Variants in GON4L observed in about 807,000 individuals in gnomAD.
The protein encoded by GON4L is gon-4 like.
In GON4L, 87 loss-of-function variants were observed where a neutral mutation model predicts 211.8. That is an observed-to-expected ratio of 0.41 (90% confidence interval 0.35 to 0.49). The LOEUF (loss-of-function observed/expected upper bound fraction) is 0.49. GON4L is among the 20% of genes least tolerant of loss of function. GON4L has a pLI of 0.15. For missense variants in GON4L, 2,155 were observed against 2,659.5 expected, an observed-to-expected ratio of 0.81 and a Z score of 4.17; for synonymous variants, 875 against 962.6, an observed-to-expected ratio of 0.91 and a Z score of 1.68.
At chr1:155,819,062 G>A (rs555014445) in intron 6 of GON4L, among the ~76,000 whole-genome samples, 28 of 152,160 alleles carry the variant, frequency 1.8e-4, no homozygotes, top group African/African-American at 6.5e-4. Context: ...GGCCAAGGCG[G>A]GCAGATGATT....
At chr1:155,814,168 C>T (rs1305233873) in intron 9 of GON4L, among the ~76,000 whole-genome samples, 162 bp downstream of exon 9, 1 of 152,190 alleles carries the variant, frequency 6.6e-6, no homozygotes, top group East Asian at 1.9e-4. Context: ...AGTTCTTTGG[C>T]TATCACTGAG....
At chr1:155,820,761 G>T in intron 5 of GON4L, 105 bp from the exon 6 acceptor site, 1 of 823,238 alleles carries the variant, frequency 1.2e-6, no homozygotes, top group Non-Finnish European at 2.1e-6. Context: ...TGGGAGGATG[G>T]CTTGAGGCAA....
At chr1:155,754,784 G>A (rs765137309) in intron 27 of GON4L, among the ~76,000 whole-genome samples, 11 of 151,086 alleles carry the variant, frequency 7.3e-5, no homozygotes, top group Non-Finnish European at 1.0e-4. Flanking sequence ...CTCCCTCAGC[G>A]TCCCAAAGTG....
intron 2 of GON4L, among the ~76,000 whole-genome samples, chr1:155,838,976 T>C (rs1210059200): frequency 6.6e-6 from 1 of 151,878 alleles, no homozygotes; most frequent in Non-Finnish European, 1.5e-5. Context: ...TTAAAAACTG[T>C]GGAATGGTTC....
intron 23 of GON4L, among the ~76,000 whole-genome samples, chr1:155,761,175 GTTT>G (rs921323729): frequency 8.2e-5 from 9 of 109,534 alleles, no homozygotes; most frequent in African/African-American, 2.7e-4. Flanking sequence ...CTTATGTGTG[GTTT>G]TTTTTTTTTT....
Position 155,832,206 on chromosome 1 carries a change from T to C in GON4L, c.506-5178A>G, listed in dbSNP as rs1273708606. ...AAGAGAATCACCTGAGCCCGGGAGG[T>C]GGAGGTTGCAGTGAGCTAAGATCAC... On this transcript the variant is annotated intron_variant, in intron 2 of 31. Coordinates refer to ENST00000368331, the MANE Select transcript of GON4L (RefSeq NM_001282860.2). Among the ~76,000 whole-genome samples, 40 of 100,056 alleles carry C rather than the reference T, an allele frequency of 4.0e-4. No homozygotes were observed. The Admixed American group carries it at 6.4e-3, about 16-fold the overall frequency. The allele number at this position is 100,056 out of a possible 152,430, so 65.6% of individuals were successfully genotyped here. A position where few individuals can be genotyped will look rare whatever the true frequency, so the allele number is the denominator to read the frequency against.
intron 12 of GON4L, among the ~76,000 whole-genome samples, chr1:155,794,847 C>T (rs935187107): frequency 1.3e-5 from 2 of 152,112 alleles, no homozygotes; most frequent in Admixed American, 6.6e-5. Context: ...ACTGAATACA[C>T]GACTGTGGGA....
intron 11 of GON4L, among the ~76,000 whole-genome samples, chr1:155,801,612 G>A: frequency 6.6e-6 from 1 of 152,032 alleles, no homozygotes; most frequent in Non-Finnish European, 1.5e-5. Flanking sequence ...GCCAGGTGCG[G>A]TGGCTCATGC....
At chr1:155,843,535 G>GTAC (rs1178239591) in intron 2 of GON4L, among the ~76,000 whole-genome samples, 2 of 152,132 alleles carry the variant, frequency 1.3e-5, no homozygotes, top group Non-Finnish European at 2.9e-5. Context: ...CAGCTCCAGT[G>GTAC]TACTAATGAT....
At chr1:155,846,094 G>C (rs1355344346) in intron 2 of GON4L, 1 of 228,138 alleles carries the variant, frequency 4.4e-6, no homozygotes, top group Non-Finnish European at 9.9e-6. Context: ...GCCTATAGGA[G>C]TTTGTCAAGG....
Position 155,766,645 on chromosome 1 carries a change from T to C in GON4L, c.2828A>G (p.Asn943Ser). Residue 943 changes from asparagine to serine, a missense_variant, in exon 21 of 32, where the codon AAT becomes AGT. By Grantham distance (46) the Asn-to-Ser change is conservative. Around this residue, in one of 6 missense-constraint regions of GON4L, gnomAD observed 551 missense variants for 854.0 expected, o/e 0.65. Coordinates refer to ENST00000368331, the MANE Select transcript of GON4L (RefSeq NM_001282860.2). Reference sequence around the variant, plus strand: ...GTTGATCTCAGTGGTTCCAGTCATATTTCCTACCTCTCTAGCACCATCAGC... The same window carrying C: ...GTTGATCTCAGTGGTTCCAGTCATACTTCCTACCTCTCTAGCACCATCAGC... ...HMADGAREVG[N>S]MTGTTEINSD... is the part of the protein sequence containing the mutation. The C allele has an allele frequency of 1.2e-6, 2 of 1,614,230 alleles. No individual in the cohort carries two copies. Among genetic ancestry groups the C allele is most frequent in the Non-Finnish European group, 8.5e-7 (1 of 1,180,048 alleles).
rs1660787834 is a variant in GON4L, at chr1:155,753,107, C to T, written c.5842+97G>A. On this transcript the variant is annotated intron_variant, in intron 29 of 31. Coordinates refer to ENST00000368331, the MANE Select transcript of GON4L (RefSeq NM_001282860.2). Reference sequence around the variant, plus strand: ...AGTGAAAGAGGTGGTATATCCATCCCTGAAAAGGCTATTTATCCAGGCTCA... The same window carrying T: ...AGTGAAAGAGGTGGTATATCCATCCTTGAAAAGGCTATTTATCCAGGCTCA... The T allele has an allele frequency of 2.6e-5, 24 of 914,000 alleles. No homozygotes were observed. In the South Asian group the frequency reaches 3.7e-4, roughly 14 times the overall value. The allele number at this position is 914,000 out of a possible 1,614,324, so 56.6% of individuals were successfully genotyped here. A position where few individuals can be genotyped will look rare whatever the true frequency, so the allele number is the denominator to read the frequency against.
chr1:155,761,653 A>C (rs1010426763), intron 23 of GON4L, among the ~76,000 whole-genome samples: 6 of 150,606 alleles, frequency 4.0e-5, no homozygotes, highest in Admixed American at 1.3e-4. Flanking sequence ...CCACCACCAC[A>C]CCCGGCTAAT....
chr1:155,851,988 A>C (rs955378069), intron 2 of GON4L, among the ~76,000 whole-genome samples: 8 of 151,668 alleles, frequency 5.3e-5, no homozygotes, highest in African/African-American at 1.7e-4. Flanking sequence ...AACATGGGGA[A>C]ACCTCCTCTC....
chr1:155,855,753 C>T (rs898839149), intron 1 of GON4L, among the ~76,000 whole-genome samples: 12 of 152,020 alleles, frequency 7.9e-5, no homozygotes, highest in African/African-American at 1.4e-4. Flanking sequence ...GAGGCCAAGG[C>T]GGGCGGATAA....
chr1:155,754,374 C>G lies in GON4L; in HGVS notation c.5631+1G>C. The G allele has an allele frequency of 6.3e-7, 1 of 1,584,924 alleles. No homozygotes were observed. Among genetic ancestry groups the G allele is most frequent in the South Asian group, 1.1e-5 (1 of 90,508 alleles). ...CTCGGGACCCTTGATACTTTCCTCACCTTGCTGCTACAGTGGCTACAGCTC... is the reference window on the plus strand; with the variant it reads ...CTCGGGACCCTTGATACTTTCCTCAGCTTGCTGCTACAGTGGCTACAGCTC... On this transcript the variant is annotated splice_donor_variant, in intron 28 of 31. Transcript: ENST00000368331. LOFTEE classifies it high-confidence loss of function.
At chr1:155,762,746 C>G (rs1416644148) in intron 22 of GON4L, among the ~76,000 whole-genome samples, 4 of 152,060 alleles carry the variant, frequency 2.6e-5, no homozygotes, top group Non-Finnish European at 4.4e-5. Context: ...ATCAGTTTAA[C>G]AAAGTGAACT....
In GON4L at chr1:155,750,305, C is replaced by A; in HGVS notation, c.*279G>T. The A allele has an allele frequency of 1.7e-6, 1 of 596,184 alleles. No homozygotes were observed. Among genetic ancestry groups the A allele is most frequent in the East Asian group, 2.8e-5 (1 of 35,828 alleles). The allele number at this position is 596,184 out of a possible 1,614,324, so 36.9% of individuals were successfully genotyped here. A position where few individuals can be genotyped will look rare whatever the true frequency, so the allele number is the denominator to read the frequency against. ...TAGACCACAGAACAATAAATATGTG[C>A]CATCAGACCAAAAAAAAGTAGAGAA... On this transcript the variant is annotated 3_prime_UTR_variant, in exon 32 of 32. Coordinates refer to ENST00000368331, the MANE Select transcript of GON4L (RefSeq NM_001282860.2).
At chr1:155,795,544 A>G (rs1184866815) in intron 11 of GON4L, among the ~76,000 whole-genome samples, 1 of 152,256 alleles carries the variant, frequency 6.6e-6, no homozygotes, top group Non-Finnish European at 1.5e-5. Flanking sequence ...GTACAGGTTG[A>G]GCATTCCAAA....
Sources: allele counts gnomAD v4.1 joint callset (sites outside exome capture counted in the v4.1 genomes callset), GRCh38; gene constraint gnomAD v4.1.1; regional missense constraint gnomAD v4.1.1; transcripts MANE v1.5; gene names NCBI Gene and HGNC (gene_info 2026-07-23, HGNC 2026-07-21).